USP42: variants seen among roughly 807,000 people sequenced by gnomAD.
USP42 encodes ubiquitin carboxyl-terminal hydrolase 42.
A neutral mutation model predicts 113.0 loss-of-function variants in USP42; 23 were observed. The observed-to-expected ratio is 0.20, with a 90% CI of 0.15 to 0.29. USP42 has a LOEUF of 0.29. USP42 is among the 10% of genes least tolerant of loss of function. The pLI, the probability that USP42 is intolerant of heterozygous loss-of-function variation, is 1.00. For synonymous variants in USP42, 933 were observed against 699.0 expected (o/e 1.33, Z -5.28); for missense variants, 2,174 against 1,779.8 (o/e 1.22, Z -3.99).
In USP42 at chr7:6,147,722, G is replaced by T; in HGVS notation, c.1233-17G>T. ...GGTGTCCTGTGTCACCCTAAGTATC[G>T]CTCTCCTTGTTTCCAGGTCCCATGA... On this transcript the variant is annotated splice_polypyrimidine_tract_variant and intron_variant, in intron 11 of 17. Transcript: ENST00000306177. 1.9e-6 allele frequency: 3 copies of T among 1,561,470 alleles called. No homozygotes were observed. The highest frequency in any genetic ancestry group is 1.7e-6 in the Non-Finnish European group (2 of 1,146,340).
At chr7:6,096,479 T>C in the USP42 span, among the ~76,000 whole-genome samples, 1 of 151,282 alleles carries the variant, frequency 6.6e-6, no homozygotes, top group Non-Finnish European at 1.5e-5. Context: ...AATGAAGCTA[T>C]AACTTCTCAC....
chr7:6,126,529 C>T (rs1780554640), intron 3 of USP42, among the ~76,000 whole-genome samples: 1 of 152,234 alleles, frequency 6.6e-6, no homozygotes, highest in Admixed American at 6.5e-5. Flanking sequence ...TCGTGATCTG[C>T]CCGCCTCAGC....
rs557897626 is a variant in USP42 at position 6,150,105 on chromosome 7, C to T, written c.1909C>T (p.Pro637Ser). ...TGGTACGATTGTGAGCTCCCACTCT[C>T]CCGGCCAAGATGCCGAAGATGAGGA... The part of the protein sequence containing the change: ...GIGTIVSSHS[P>S]GQDAEDEEAT... Residue 637 changes from proline to serine, a missense_variant, in exon 13 of 18, where the codon CCC (proline) becomes TCC (serine). By Grantham distance (74) the Pro-to-Ser change is moderately conservative (BLOSUM62 -1). Coordinates refer to ENST00000306177, the MANE Select transcript of USP42 (RefSeq NM_032172.3). 1.9e-6 allele frequency: 3 copies of T among 1,611,634 alleles called. No individual in the cohort carries two copies. The highest frequency in any genetic ancestry group is 2.5e-6 in the Non-Finnish European group (3 of 1,178,876).
intron 4 of USP42, among the ~76,000 whole-genome samples, chr7:6,138,587 A>G (rs2128502920): frequency 6.6e-6 from 1 of 152,318 alleles, no homozygotes; most frequent in East Asian, 1.9e-4. Context: ...GGTGTAAAGC[A>G]GGGGTCCCTA....
In USP42 at chr7:6,158,482, C is replaced by T. The variant is rs1333495761; in HGVS notation, c.3944-968C>T. On this transcript the variant is annotated intron_variant, in intron 16 of 17. Transcript: ENST00000306177. This position sits in a 1 kb window ranked among gnomAD's most constrained non-coding sequence, Gnocchi z 4.2. ...TGGAGCTGTGTGTTCTGGGGAAGGC[C>T]TGTCCCTCCCAGCAGCCCAGAGCCA... Among the ~76,000 whole-genome samples the T allele has an allele frequency of 2.0e-5, 3 of 152,214 alleles. No homozygotes were observed. The highest frequency in any genetic ancestry group is 2.1e-4 in the South Asian group (1 of 4,836).
At chr7:6,098,872 T>C in the USP42 span, among the ~76,000 whole-genome samples, 1 of 150,048 alleles carries the variant, frequency 6.7e-6, no homozygotes, top group Non-Finnish European at 1.5e-5. Context: ...GTAGGGTACC[T>C]ACCTCATTTG....
At chr7:6,114,078 T>G (rs994730829) in intron 2 of USP42, among the ~76,000 whole-genome samples, 1 of 152,214 alleles carries the variant, frequency 6.6e-6, no homozygotes, top group African/African-American at 2.4e-5. Flanking sequence ...GTTGATAATC[T>G]TCAAAATTTT....
rs185110158 is a variant in USP42, at chr7:6,161,076, T to G, written c.*558T>G. 3.9e-5 allele frequency: 6 copies of G among 152,690 alleles called. No homozygotes were observed. The highest frequency in any genetic ancestry group is 1.2e-4 in the African/African-American group (5 of 41,468). 9.5% of individuals were successfully genotyped at this position (152,690 alleles called of 1,614,324 possible). On this transcript the variant is annotated 3_prime_UTR_variant, in exon 18 of 18. Coordinates refer to ENST00000306177, the MANE Select transcript of USP42 (RefSeq NM_032172.3). ...ATTCAAGATTTGAAGATGTATTTTA[T>G]AGACAAGTTCTGTTTTTGAACTTTG...
At chr7:6,130,766 A>G (rs879806571) in intron 3 of USP42, among the ~76,000 whole-genome samples, 1 of 152,028 alleles carries the variant, frequency 6.6e-6, no homozygotes, top group Admixed American at 6.6e-5. Flanking sequence ...CAGCCACAAG[A>G]GGAGACACAA....
chr7:6,147,883 CATG>C lies in USP42; in HGVS notation c.1380_1382del (p.Met460del), dbSNP rs1432118600. The C allele has an allele frequency of 3.7e-6, 6 of 1,610,156 alleles. No homozygotes were observed. The highest frequency in any genetic ancestry group is 4.2e-6 in the Non-Finnish European group (5 of 1,177,648). ...TTATCGGACCACAGCTTCCCTCTCA[CATG>C]ATAAAGGTAACAGTCCTTAGGGAGA... is the stretch of plus-strand genomic sequence containing the variant. On this transcript the variant is annotated inframe_deletion, in exon 12 of 18. Transcript: ENST00000306177.
In USP42 at chr7:6,157,983, G is replaced by A. The variant is rs1782558100; in HGVS notation, c.3943+928G>A. On this transcript the variant is annotated intron_variant, in intron 16 of 17. Transcript: ENST00000306177. The surrounding 1 kb of genome is among the most constrained non-coding windows in gnomAD (Gnocchi z 4.1). ...GAGGAGCTGTGAGCCTGTTAGAAGCGGATGTCACTCGAGTCAGTGGACCTA... is the reference window on the plus strand; with the variant it reads ...GAGGAGCTGTGAGCCTGTTAGAAGCAGATGTCACTCGAGTCAGTGGACCTA... 2.0e-5 allele frequency among the ~76,000 whole-genome samples: 3 copies of A among 152,230 alleles called. No individual in the cohort carries two copies. Among genetic ancestry groups the A allele is most frequent in the Non-Finnish European group, 4.4e-5 (3 of 68,040 alleles).
chr7:6,155,844 T>C, intron 15 of USP42, among the ~76,000 whole-genome samples: 1 of 152,202 alleles, frequency 6.6e-6, no homozygotes, highest in African/African-American at 2.4e-5. Flanking sequence ...CTTGACCTCC[T>C]GGGCTCAAAT....
chr7:6,147,564 T>C (rs1211226402), intron 11 of USP42, among the ~76,000 whole-genome samples, 175 bp from the exon 12 acceptor site: 3 of 152,248 alleles, frequency 2.0e-5, no homozygotes, highest in Non-Finnish European at 2.9e-5. Context: ...CTGATCTGAG[T>C]GCCTGACATT....
At chr7:6,112,564 C>G (rs1018275377) in intron 2 of USP42, among the ~76,000 whole-genome samples, 4 of 152,136 alleles carry the variant, frequency 2.6e-5, no homozygotes, top group South Asian at 4.1e-4. Context: ...GACAGTAACA[C>G]TTTAAGTTGG....
rs756923941 is a variant in USP42 at position 6,149,594 on chromosome 7, C to T, written c.1398C>T (p.His466=). Reference sequence around the variant, plus strand: ...CTGCTTACTTCCAGAATCCACCTCACTTAAATGGGACTGGACCATTGAAAG... The same window carrying T: ...CTGCTTACTTCCAGAATCCACCTCATTTAAATGGGACTGGACCATTGAAAG... The part of the protein sequence containing the change: ...LPSHMIKNPP[H]LNGTGPLKDT... The change falls in exon 13 of 18, where the codon CAC becomes CAT. Residue 466 remains histidine, a synonymous_variant. Transcript: ENST00000306177. The T allele has an allele frequency of 6.2e-7, 1 of 1,612,600 alleles. No individual in the cohort carries two copies.
At chr7:6,098,955 G>A in the USP42 span, among the ~76,000 whole-genome samples, 9 of 150,174 alleles carry the variant, frequency 6.0e-5, no homozygotes, top group Non-Finnish European at 1.0e-4. Flanking sequence ...GAAGTTCTAC[G>A]GACATTAGAG....
chr7:6,141,801 G>A (rs1324739291), intron 7 of USP42, among the ~76,000 whole-genome samples: 1 of 152,182 alleles, frequency 6.6e-6, no homozygotes, highest in East Asian at 1.9e-4. Context: ...ACATGCTTAT[G>A]ATAAAAATGA....
chr7:6,128,708 TTTTG>T (rs768014206), intron 3 of USP42, among the ~76,000 whole-genome samples: 2 of 152,214 alleles, frequency 1.3e-5, no homozygotes, highest in Non-Finnish European at 2.9e-5. Context: ...ATGTTTTGTT[TTTTG>T]TTCTGTTCTT....
chr7:6,160,824 TAC>T lies in USP42; in HGVS notation c.*308_*309del, dbSNP rs1366538335. The stretch of plus-strand genomic sequence containing the variant: ...TAGAACATCTCAAATGCTGCTTAAT[TAC>T]AGACTCAGGTCGATTACTTGTATTT... On this transcript the variant is annotated 3_prime_UTR_variant, in exon 18 of 18. Coordinates refer to ENST00000306177, the MANE Select transcript of USP42 (RefSeq NM_032172.3). 2.6e-5 allele frequency: 4 copies of T among 152,802 alleles called. No homozygotes were observed. The highest frequency in any genetic ancestry group is 6.5e-5 in the Admixed American group (1 of 15,306). 9.5% of individuals were successfully genotyped at this position (152,802 alleles called of 1,614,324 possible).
Sources: allele counts gnomAD v4.1 joint callset (sites outside exome capture counted in the v4.1 genomes callset), GRCh38; gene constraint gnomAD v4.1.1; non-coding constraint Gnocchi (gnomAD v3.1); transcripts MANE v1.5; gene names NCBI Gene and HGNC (gene_info 2026-07-23, HGNC 2026-07-21).